Variants in LRRC8C observed in about 807,000 individuals in gnomAD.
LRRC8C encodes the protein volume-regulated anion channel subunit LRRC8C.
LRRC8C carries 20 observed loss-of-function variants against 55.3 expected under a neutral mutation model. The ratio of observed to expected loss-of-function variants is 0.36; its 90% CI spans 0.25 to 0.53. The LOEUF (loss-of-function observed/expected upper bound fraction) is 0.53, where lower values mean the gene tolerates loss of function less well. Ranked by LOEUF, LRRC8C falls within the 20% of genes least tolerant of loss-of-function variation. The probability of loss-of-function intolerance (pLI) is 0.92; values close to 1 mark genes in which losing one functional copy is unlikely to be tolerated. For synonymous variants in LRRC8C, 376 were observed against 360.7 expected, an observed-to-expected ratio of 1.04 and a Z score of -0.48; for missense variants, 659 against 951.4, an observed-to-expected ratio of 0.69 and a Z score of 4.04.
chr1:89,678,107 G>A (rs1395516430), intron 1 of LRRC8C, among the ~76,000 whole-genome samples: 3 of 152,176 alleles, frequency 2.0e-5, no homozygotes, highest in African/African-American at 4.8e-5. Flanking sequence ...GTTCACACTG[G>A]CTTTAGCTAT....
At chr1:89,618,466 T>C in the LRRC8C span, among the ~76,000 whole-genome samples, 1 of 152,238 alleles carries the variant, frequency 6.6e-6, no homozygotes, top group African/African-American at 2.4e-5. Context: ...ATTCATTTTA[T>C]ATGTGTTGAA....
chr1:89,703,871 T>G (rs1398364607), intron 2 of LRRC8C, among the ~76,000 whole-genome samples: 2 of 151,618 alleles, frequency 1.3e-5, no homozygotes, highest in Non-Finnish European at 2.9e-5. Flanking sequence ...CAAATATGAG[T>G]GAGCAAAATA....
chr1:89,718,312 T>C lies in LRRC8C; in HGVS notation c.*3330T>C, dbSNP rs1011612562. The C allele has an allele frequency of 2.6e-5, 4 of 152,184 alleles. No individual in the cohort carries two copies. Among genetic ancestry groups the C allele is most frequent in the Non-Finnish European group, 4.4e-5 (3 of 68,014 alleles). The allele number at this position is 152,184 out of a possible 1,614,324, so 9.4% of individuals were successfully genotyped here. On this transcript the variant is annotated 3_prime_UTR_variant, in exon 3 of 3. Transcript: ENST00000370454. Reference sequence around the variant, plus strand: ...CTGGAAAACATACCTGCTATGAATATTTTGTTCAGATGTAGCCATTTACCT... The same window carrying C: ...CTGGAAAACATACCTGCTATGAATACTTTGTTCAGATGTAGCCATTTACCT...
chr1:89,691,774 C>A (rs1658033351), intron 2 of LRRC8C, among the ~76,000 whole-genome samples: 1 of 152,064 alleles, frequency 6.6e-6, no homozygotes, highest in Non-Finnish European at 1.5e-5. Flanking sequence ...TATTATGGAA[C>A]CATCACAATT....
chr1:89,676,108 C>G (rs966939526), intron 1 of LRRC8C: 2 of 152,108 alleles, frequency 1.3e-5, no homozygotes, highest in African/African-American at 2.4e-5. Context: ...ACAAAAATCC[C>G]AAAGAAATTA....
intron 1 of LRRC8C, among the ~76,000 whole-genome samples, chr1:89,641,045 T>C (rs1656441131): frequency 6.6e-6 from 1 of 152,232 alleles, no homozygotes; most frequent in African/African-American, 2.4e-5. Context: ...TAGTTTCCAG[T>C]ATTTAGAATA....
chr1:89,678,998 A>T (rs1289613022), intron 1 of LRRC8C, among the ~76,000 whole-genome samples: 1 of 152,104 alleles, frequency 6.6e-6, no homozygotes, highest in Non-Finnish European at 1.5e-5. Context: ...CTGGATGGAG[A>T]TATGAATTTG....
intron 2 of LRRC8C, among the ~76,000 whole-genome samples, chr1:89,701,020 G>A (rs928737409): frequency 1.6e-4 from 25 of 152,160 alleles, no homozygotes; most frequent in Middle Eastern, 3.2e-3. Flanking sequence ...GGTAGCTCAT[G>A]CCTGTAATCC....
chr1:89,685,238 C>A (rs999513663), intron 1 of LRRC8C, among the ~76,000 whole-genome samples: 3 of 150,300 alleles, frequency 2.0e-5, no homozygotes, highest in African/African-American at 7.4e-5. Flanking sequence ...CCTGCCTCAG[C>A]CTCCCGAGTA....
chr1:89,708,924 T>C (rs917174195), intron 2 of LRRC8C, among the ~76,000 whole-genome samples: 3 of 152,380 alleles, frequency 2.0e-5, no homozygotes, highest in East Asian at 3.9e-4. Flanking sequence ...GAGATGCTAC[T>C]GTTCTTAGTA....
chr1:89,702,201 G>T (rs1429259954), intron 2 of LRRC8C, among the ~76,000 whole-genome samples: 1 of 151,898 alleles, frequency 6.6e-6, no homozygotes, highest in Non-Finnish European at 1.5e-5. Flanking sequence ...ACTCTGGGGG[G>T]CTGGGGGCTG....
chr1:89,660,738 T>C (rs1298028462), intron 1 of LRRC8C, among the ~76,000 whole-genome samples: 3 of 152,228 alleles, frequency 2.0e-5, no homozygotes, highest in African/African-American at 7.2e-5. Flanking sequence ...ACCTTTCTCA[T>C]CCAGCACCCT....
chr1:89,634,206 C>T (rs1319541159), intron 1 of LRRC8C, among the ~76,000 whole-genome samples: 1 of 152,174 alleles, frequency 6.6e-6, no homozygotes, highest in East Asian at 1.9e-4. Context: ...CAGAGTATTA[C>T]GGCTAAACTT....
intron 1 of LRRC8C, among the ~76,000 whole-genome samples, chr1:89,659,576 G>A (rs1657057598): frequency 6.6e-6 from 1 of 152,180 alleles, no homozygotes; most frequent in South Asian, 2.1e-4. Context: ...TGTTATGATG[G>A]AGGTGGGGTT....
chr1:89,646,192 C>T (rs150432709), intron 1 of LRRC8C, among the ~76,000 whole-genome samples: 8 of 151,972 alleles, frequency 5.3e-5, no homozygotes, highest in Middle Eastern at 3.4e-3. Context: ...ATTAATGAAT[C>T]TAGCCAAACC....
intron 1 of LRRC8C, among the ~76,000 whole-genome samples, chr1:89,637,488 A>C (rs946313577): frequency 6.6e-6 from 1 of 151,612 alleles, no homozygotes; most frequent in African/African-American, 2.4e-5. Flanking sequence ...TATGAGGGGT[A>C]GAAAAATAAA....
chr1:89,708,094 C>A (rs746804908), intron 2 of LRRC8C, among the ~76,000 whole-genome samples: 20 of 150,250 alleles, frequency 1.3e-4, no homozygotes, highest in Non-Finnish European at 2.8e-4. Context: ...TTCACTTCTC[C>A]CCCCAGTTTC....
upstream of LRRC8C, chr1:89,632,248 G>A (rs1476235765): frequency 6.6e-6 from 1 of 152,206 alleles, no homozygotes; most frequent in Non-Finnish European, 1.5e-5. Flanking sequence ...GAAAAGCACG[G>A]TTCAGATCAA....
At chr1:89,664,883 G>A (rs1657215202) in intron 1 of LRRC8C, among the ~76,000 whole-genome samples, 1 of 152,064 alleles carries the variant, frequency 6.6e-6, no homozygotes, top group Admixed American at 6.5e-5. Flanking sequence ...GTGTTCCTAG[G>A]TATTTTATTC....
Sources: allele counts gnomAD v4.1 joint callset (sites outside exome capture counted in the v4.1 genomes callset), GRCh38; gene constraint gnomAD v4.1.1; transcripts MANE v1.5; gene names NCBI Gene and HGNC (gene_info 2026-07-23, HGNC 2026-07-21).